MYT1L: variants seen among roughly 807,000 people sequenced by gnomAD.
MYT1L encodes myelin transcription factor 1-like protein.
A neutral mutation model predicts 126.7 loss-of-function variants in MYT1L; 12 were observed. That is an observed-to-expected ratio of 0.09 (90% CI 0.06 to 0.15). MYT1L has a LOEUF of 0.15. MYT1L is among the 10% of genes least tolerant of loss of function. MYT1L has a pLI of 1.00. For missense variants in MYT1L, 979 were observed against 1,585.2 expected (o/e 0.62, Z 6.49); for synonymous variants, 541 against 604.2 (o/e 0.90, Z 1.53).
At position 1,790,948 on chromosome 2, in the gene MYT1L, T is replaced by C. The variant is rs1425778223; in HGVS notation, c.*919A>G. The C allele has an allele frequency of 3.9e-6, 1 of 254,022 alleles. No individual in the cohort carries two copies. The highest frequency in any genetic ancestry group is 2.2e-5 in the African/African-American group (1 of 44,720). 15.7% of individuals were successfully genotyped at this position (254,022 alleles called of 1,614,324 possible). A position where few individuals can be genotyped will look rare whatever the true frequency, so the allele number is the denominator to read the frequency against. ...AAACTACATTGCAATAACAGACAGT[T>C]CAGAGGGGCACGAAACTCTAGGGGA... On this transcript the variant is annotated 3_prime_UTR_variant, in exon 25 of 25. Transcript: ENST00000647738.
rs185516400 is a variant in MYT1L at position 2,331,120 on chromosome 2, T to C, written c.-674A>G. 1.3e-5 allele frequency: 2 copies of C among 149,972 alleles called. No individual in the cohort carries two copies. Among genetic ancestry groups the C allele is most frequent in the Admixed American group, 1.3e-4 (2 of 15,046 alleles). 9.3% of individuals were successfully genotyped at this position (149,972 alleles called of 1,614,324 possible). A position where few individuals can be genotyped will look rare whatever the true frequency, so the allele number is the denominator to read the frequency against. On this transcript the variant is annotated 5_prime_UTR_variant, in exon 1 of 25. Transcript: ENST00000647738. ...GCATGCCACCAAGACGCAGAAAAGGTGGCTTTTTGTCTTCAGTGAGTATGG... is the reference window on the plus strand; with the variant it reads ...GCATGCCACCAAGACGCAGAAAAGGCGGCTTTTTGTCTTCAGTGAGTATGG...
At chr2:1,934,128 C>T (rs1488266469) in intron 9 of MYT1L, among the ~76,000 whole-genome samples, 3 of 142,336 alleles carry the variant, frequency 2.1e-5, no homozygotes, top group Non-Finnish European at 4.9e-5. Flanking sequence ...GCACCCGCCA[C>T]CACGCCTGGC....
chr2:2,170,307 C>A (rs114787877), intron 3 of MYT1L, among the ~76,000 whole-genome samples: 24 of 152,358 alleles, frequency 1.6e-4, no homozygotes, highest in African/African-American at 5.3e-4. Flanking sequence ...AATCTGTTCT[C>A]TACCGACGCT....
chr2:2,100,820 A>G (rs1186494962), intron 3 of MYT1L, among the ~76,000 whole-genome samples: 2 of 152,240 alleles, frequency 1.3e-5, no homozygotes, highest in African/African-American at 4.8e-5. Context: ...GGGTGCATAT[A>G]TAACAGACAT....
At chr2:1,830,232 C>T (rs2039952072) in intron 21 of MYT1L, among the ~76,000 whole-genome samples, 1 of 152,168 alleles carries the variant, frequency 6.6e-6, no homozygotes, top group Non-Finnish European at 1.5e-5. Flanking sequence ...CAGCCTGGAC[C>T]TGAGCCCTGG....
chr2:2,156,240 TTTAC>T (rs1395232058), intron 3 of MYT1L, among the ~76,000 whole-genome samples: 1 of 152,196 alleles, frequency 6.6e-6, no homozygotes, highest in African/African-American at 2.4e-5. Flanking sequence ...CTCAGGGACA[TTTAC>T]TTGTTTATCA....
At position 2,009,540 on chromosome 2, in the gene MYT1L, T is replaced by G. The variant is rs550603759; in HGVS notation, c.-157-12193A>C. Among the ~76,000 whole-genome samples the G allele has an allele frequency of 1.5e-3, 230 of 152,364 alleles. 1 individual carries two copies. The highest frequency in any genetic ancestry group is 5.3e-3 in the African/African-American group (219 of 41,584). Reference sequence around the variant, plus strand: ...TATACAAATGCTACTGATTTTTGTATGCTGATTTTGTATTCTGCAACTTTG... The same window carrying G: ...TATACAAATGCTACTGATTTTTGTAGGCTGATTTTGTATTCTGCAACTTTG... On this transcript the variant is annotated intron_variant, in intron 4 of 24. Coordinates refer to ENST00000647738, the MANE Select transcript of MYT1L (RefSeq NM_001303052.2).
At position 1,856,142 on chromosome 2, in the gene MYT1L, G is replaced by A. The variant is rs77485131; in HGVS notation, c.2712-4439C>T. Among the ~76,000 whole-genome samples the A allele has an allele frequency of 6.2e-3, 946 of 152,250 alleles. 16 individuals carry two copies. The highest frequency in any genetic ancestry group is 0.021 in the African/African-American group (880 of 41,538). On this transcript the variant is annotated intron_variant, in intron 18 of 24. Transcript: ENST00000647738. ...AAAACAAAAAGTAAAAGACAGGGAC[G>A]CTCAGAAGCATTTGGAACTCTGACT...
chr2:1,849,762 G>C (rs1325054980), intron 19 of MYT1L, among the ~76,000 whole-genome samples: 1 of 152,206 alleles, frequency 6.6e-6, no homozygotes, highest in Non-Finnish European at 1.5e-5. Flanking sequence ...ATTTTTCTTT[G>C]GTGGCATTCA....
chr2:2,133,403 C>G (rs2082636064), intron 3 of MYT1L, among the ~76,000 whole-genome samples: 1 of 152,154 alleles, frequency 6.6e-6, no homozygotes, highest in Non-Finnish European at 1.5e-5. Flanking sequence ...GTCACTCCCC[C>G]TCATGCTTCT....
rs115203031 is a variant in MYT1L, at chr2:2,300,709, T to G, written c.-520-16206A>C. 1.8e-3 allele frequency among the ~76,000 whole-genome samples: 273 copies of G among 152,300 alleles called. 3 individuals carry two copies. The highest frequency in any genetic ancestry group is 6.4e-3 in the African/African-American group (266 of 41,582). On this transcript the variant is annotated intron_variant, in intron 1 of 24. Transcript: ENST00000647738. ...TGGTGGTGTGGGAGGAGAGGGGAAG[T>G]GGACGTTCTCAAATCCACGCGATGA...
At chr2:2,313,747 T>C (rs2096015615) in intron 1 of MYT1L, among the ~76,000 whole-genome samples, 1 of 152,198 alleles carries the variant, frequency 6.6e-6, no homozygotes, top group Non-Finnish European at 1.5e-5. Flanking sequence ...TTAGAGACAC[T>C]ATACATTCTG....
intron 3 of MYT1L, among the ~76,000 whole-genome samples, chr2:2,096,986 G>C (rs1019135775): frequency 6.6e-6 from 1 of 152,092 alleles, no homozygotes; most frequent in Non-Finnish European, 1.5e-5. Flanking sequence ...GCGGCGGCCA[G>C]GCTGCAGCGT....
intron 19 of MYT1L, among the ~76,000 whole-genome samples, chr2:1,843,155 T>A (rs1171910853): frequency 1.3e-5 from 2 of 152,260 alleles, no homozygotes; most frequent in Non-Finnish European, 2.9e-5. Context: ...GCCTTGTCTG[T>A]GGCTCGTTCC....
chr2:1,874,500 G>A (rs1048525977), intron 18 of MYT1L, among the ~76,000 whole-genome samples: 3 of 152,312 alleles, frequency 2.0e-5, no homozygotes, highest in South Asian at 4.1e-4. Flanking sequence ...GGCCGTGGAC[G>A]GGCCATGTGG....
chr2:2,030,602 T>C (rs1272525767), intron 4 of MYT1L, among the ~76,000 whole-genome samples: 2 of 152,256 alleles, frequency 1.3e-5, no homozygotes, highest in Non-Finnish European at 2.9e-5. Flanking sequence ...ATGTCAATTT[T>C]AGATACTTTA....
intron 3 of MYT1L, among the ~76,000 whole-genome samples, chr2:2,073,035 G>A (rs781757295): frequency 6.6e-6 from 1 of 152,096 alleles, no homozygotes; most frequent in Non-Finnish European, 1.5e-5. Context: ...ACAGAAGGAG[G>A]GAGGGAGCTC....
rs561289400 is a variant in MYT1L, at chr2:2,225,858, C to A, written c.-420-52870G>T. Among the ~76,000 whole-genome samples, 4 of 152,300 alleles carry A rather than the reference C, an allele frequency of 2.6e-5. No individual in the cohort carries two copies. In the South Asian group the frequency reaches 8.3e-4, roughly 32 times the overall value. On this transcript the variant is annotated intron_variant, in intron 2 of 24. Coordinates refer to ENST00000647738, the MANE Select transcript of MYT1L (RefSeq NM_001303052.2). ...TCAAACAAAGGTCCCTTCCGTGTTG[C>A]CCCATTCTGCTATGAAGTAGGAACT...
intron 2 of MYT1L, among the ~76,000 whole-genome samples, chr2:2,254,725 A>G (rs900570624): frequency 2.2e-4 from 34 of 152,314 alleles, no homozygotes; most frequent in African/African-American, 8.2e-4. Flanking sequence ...TTTTCTAATG[A>G]AAGTGCTTAT....
Sources: allele counts gnomAD v4.1 joint callset (sites outside exome capture counted in the v4.1 genomes callset), GRCh38; gene constraint gnomAD v4.1.1; transcripts MANE v1.5; gene names NCBI Gene and HGNC (gene_info 2026-07-23, HGNC 2026-07-21).